Variants in AMPH observed in about 807,000 individuals in gnomAD.
AMPH encodes amphiphysin (Stiff-Mann syndrome with breast cancer 128kD autoantigen).
In AMPH, 49 loss-of-function variants were observed where a neutral mutation model predicts 99.1. That is an observed-to-expected ratio of 0.49 (90% CI 0.39 to 0.63). The LOEUF (loss-of-function observed/expected upper bound fraction) is 0.63. Ranked by LOEUF, AMPH falls within the 20% of genes least tolerant of loss-of-function variation. AMPH has a pLI of 0.00. For synonymous variants in AMPH, 314 were observed against 317.3 expected, an observed-to-expected ratio of 0.99 and a Z score of 0.11; for missense variants, 759 against 863.4, an observed-to-expected ratio of 0.88 and a Z score of 1.52.
intron 11 of AMPH, among the ~76,000 whole-genome samples, chr7:38,439,673 T>C (rs769553758): frequency 3.3e-5 from 5 of 152,154 alleles, no homozygotes; most frequent in Non-Finnish European, 7.4e-5. Context: ...TGCTTTACCA[T>C]CAGAAATCTA....
chr7:38,538,630 G>C (rs1790699040), intron 1 of AMPH, among the ~76,000 whole-genome samples: 2 of 152,144 alleles, frequency 1.3e-5, no homozygotes, highest in African/African-American at 4.8e-5. Flanking sequence ...AGGCAAGATA[G>C]GAATAATGAG....
chr7:38,460,753 A>G (rs2392577), intron 11 of AMPH, among the ~76,000 whole-genome samples: 40,579 of 152,108 alleles, frequency 0.27, 6,046 homozygotes, highest in East Asian at 0.54. Context: ...GGATGCAAAC[A>G]TACAGTTAGA....
intron 2 of AMPH, among the ~76,000 whole-genome samples, chr7:38,524,582 G>T (rs986788867): frequency 2.0e-5 from 3 of 150,636 alleles, no homozygotes; most frequent in African/African-American, 7.3e-5. Context: ...GGATACTAAT[G>T]GATGGATGGA....
intron 1 of AMPH, among the ~76,000 whole-genome samples, chr7:38,616,007 T>G (rs925727210): frequency 6.6e-6 from 1 of 152,082 alleles, no homozygotes; most frequent in Non-Finnish European, 1.5e-5. Context: ...GGAATACCAC[T>G]CATGTGAGCA....
intron 5 of AMPH, among the ~76,000 whole-genome samples, chr7:38,479,167 A>C (rs1788196164): frequency 6.6e-6 from 1 of 152,132 alleles, no homozygotes; most frequent in South Asian, 2.1e-4. Flanking sequence ...TAAATACATC[A>C]TAGTCAAACT....
At chr7:38,527,362 T>G (rs1790226726) in intron 2 of AMPH, among the ~76,000 whole-genome samples, 1 of 152,232 alleles carries the variant, frequency 6.6e-6, no homozygotes, top group Non-Finnish European at 1.5e-5. Flanking sequence ...ATGTTTACTG[T>G]GTTGAGGCTT....
chr7:38,503,096 C>T (rs899245887), intron 3 of AMPH, among the ~76,000 whole-genome samples: 1 of 152,228 alleles, frequency 6.6e-6, no homozygotes, highest in Non-Finnish European at 1.5e-5. Flanking sequence ...GGCCTCATTT[C>T]CTTGCCTTAC....
chr7:38,512,273 T>C (rs1789569380), intron 2 of AMPH, among the ~76,000 whole-genome samples: 2 of 152,174 alleles, frequency 1.3e-5, no homozygotes, highest in African/African-American at 4.8e-5. Flanking sequence ...AGAATCACCA[T>C]CAATGGGAAC....
At position 38,436,356 on chromosome 7, in the gene AMPH, A is replaced by T; in HGVS notation, c.1050T>A (p.Thr350=). ...NEVPEVKKEE[T]LLDLDFDPFK... ...AAGGATCAAAGTCCAGATCCAGCAA[A>T]GTCTCCTCTTTCTTCACCTCAGGGA... The change falls in exon 12 of 21, where the codon ACT becomes ACA. Residue 350 remains threonine, a synonymous_variant. Coordinates refer to ENST00000356264, the MANE Select transcript of AMPH (RefSeq NM_001635.4). 6.2e-7 allele frequency: 1 copy of T among 1,614,166 alleles called. No individual in the cohort carries two copies.
chr7:38,495,811 C>T (rs1323675712), intron 3 of AMPH, among the ~76,000 whole-genome samples: 1 of 152,100 alleles, frequency 6.6e-6, no homozygotes, highest in Non-Finnish European at 1.5e-5. Context: ...TAAAGAATAG[C>T]ATTAAAGATA....
chr7:38,499,170 T>C (rs1364711408), intron 3 of AMPH, among the ~76,000 whole-genome samples: 1 of 152,210 alleles, frequency 6.6e-6, no homozygotes, highest in African/African-American at 2.4e-5. Context: ...CATATTACTA[T>C]GCCTATCTGG....
chr7:38,596,274 T>G (rs191090167), intron 1 of AMPH, among the ~76,000 whole-genome samples: 1 of 152,164 alleles, frequency 6.6e-6, no homozygotes, highest in East Asian at 1.9e-4. Flanking sequence ...TATGGAGGGG[T>G]AGAGTTTGCT....
chr7:38,447,368 A>C (rs1786828473), intron 11 of AMPH, among the ~76,000 whole-genome samples: 1 of 152,170 alleles, frequency 6.6e-6, no homozygotes, highest in African/African-American at 2.4e-5. Context: ...TACACACAAA[A>C]TTAGTAAAAG....
chr7:38,459,455 G>A (rs1011685109), intron 11 of AMPH, among the ~76,000 whole-genome samples: 3 of 152,042 alleles, frequency 2.0e-5, no homozygotes, highest in African/African-American at 4.8e-5. Flanking sequence ...CATATTACAA[G>A]TCTATAGTAA....
At chr7:38,473,750 A>AAAAAAAAT (rs1787980167) in intron 7 of AMPH, among the ~76,000 whole-genome samples, 1 of 131,440 alleles carries the variant, frequency 7.6e-6, no homozygotes, top group Non-Finnish European at 1.7e-5. Context: ...AAAAAAAAGT[A>AAAAAAAAT]TTCCATGAAA....
rs139668455 is a variant in AMPH, at chr7:38,486,042, C to A, written c.396+5008G>T. On this transcript the variant is annotated intron_variant, in intron 5 of 20. Coordinates refer to ENST00000356264, the MANE Select transcript of AMPH (RefSeq NM_001635.4). Reference sequence around the variant, plus strand: ...CAACCTAACTCTACATCTCAAGGAACTAAGAAAAGAACAAATGAAACCCCA... The same window carrying A: ...CAACCTAACTCTACATCTCAAGGAAATAAGAAAAGAACAAATGAAACCCCA... 1.3e-4 allele frequency among the ~76,000 whole-genome samples: 20 copies of A among 150,772 alleles called. No individual in the cohort carries two copies. The East Asian group carries it at 3.9e-3, about 29-fold the overall frequency.
chr7:38,443,539 G>T (rs1786639802), intron 11 of AMPH, among the ~76,000 whole-genome samples: 1 of 152,046 alleles, frequency 6.6e-6, no homozygotes. Context: ...CTTCATGGAT[G>T]GTTTACCATT....
chr7:38,449,900 G>A (rs1786940755), intron 11 of AMPH, among the ~76,000 whole-genome samples: 1 of 152,162 alleles, frequency 6.6e-6, no homozygotes, highest in African/African-American at 2.4e-5. Context: ...CTGCAGGCTG[G>A]CCTCTCAGGA....
At chr7:38,385,101 T>TA (rs34834299) in intron 20 of AMPH, among the ~76,000 whole-genome samples, 176 bp from the exon 21 acceptor site, 12,672 of 143,908 alleles carry the variant, frequency 0.088, 678 homozygotes, top group Middle Eastern at 0.15. Flanking sequence ...AGTTGTTAGT[T>TA]AAAAAAAAAA....
Sources: gnomAD v4.1 joint callset for allele counts (sites outside exome capture counted in the v4.1 genomes callset) on GRCh38, gnomAD v4.1.1 for gene constraint, MANE v1.5 for transcripts, NCBI Gene and HGNC (gene_info 2026-07-23, HGNC 2026-07-21) for gene names.